Variants in LIX1 observed in about 807,000 individuals in gnomAD.
The protein encoded by LIX1 is limb and CNS expressed 1.
Under a neutral mutation model 33.4 loss-of-function variants are expected in LIX1, and 24 were observed. The observed-to-expected ratio is 0.72, with a 90% CI of 0.52 to 1.01. The LOEUF is 1.01. Among genes scored for constraint, LIX1 ranks in the 50% least tolerant of loss-of-function variants. The probability of loss-of-function intolerance (pLI) is 0.00; values close to 1 mark genes in which losing one functional copy is unlikely to be tolerated. For missense variants in LIX1, 311 were observed against 339.2 expected, an observed-to-expected ratio of 0.92 and a Z score of 0.65; for synonymous variants, 124 against 124.0, an observed-to-expected ratio of 1.00 and a Z score of 0.00.
chr5:97,098,255 C>A (rs533307323), intron 4 of LIX1, among the ~76,000 whole-genome samples: 1 of 152,358 alleles, frequency 6.6e-6, no homozygotes, highest in African/African-American at 2.4e-5. Flanking sequence ...CATTCAAACT[C>A]ACCCATGGTT....
intron 4 of LIX1, among the ~76,000 whole-genome samples, chr5:97,099,349 C>A (rs1746558736): frequency 6.6e-6 from 1 of 152,194 alleles, no homozygotes; most frequent in Admixed American, 6.5e-5. Context: ...TCCTACCATA[C>A]TAACAAACCA....
intron 1 of LIX1, among the ~76,000 whole-genome samples, 189 bp from the exon 2 acceptor site, chr5:97,124,818 A>G (rs375318195): frequency 3.3e-5 from 5 of 152,332 alleles, no homozygotes; most frequent in East Asian, 3.9e-4. Context: ...TATTTAAAGT[A>G]TGTTAAAATA....
intron 1 of LIX1, among the ~76,000 whole-genome samples, chr5:97,136,104 G>A (rs1015578577): frequency 3.3e-5 from 5 of 152,214 alleles, no homozygotes; most frequent in Non-Finnish European, 2.9e-5. Context: ...TGACTTTGGT[G>A]ACTCACAGTC....
chr5:97,119,421 C>T (rs1747724527), intron 2 of LIX1, among the ~76,000 whole-genome samples: 1 of 152,180 alleles, frequency 6.6e-6, no homozygotes, highest in Non-Finnish European at 1.5e-5. Context: ...TCTGAACTGA[C>T]AAAGAAAAGT....
At position 97,093,228 on chromosome 5, in the gene LIX1, T is replaced by G. The variant is rs928948991; in HGVS notation, c.*1520A>C. The G allele has an allele frequency of 2.3e-4, 35 of 152,450 alleles. No homozygotes were observed. Among genetic ancestry groups the G allele is most frequent in the African/African-American group, 8.2e-4 (34 of 41,580 alleles). 9.4% of individuals were successfully genotyped at this position (152,450 alleles called of 1,614,324 possible). A position where few individuals can be genotyped will look rare whatever the true frequency, so the allele number is the denominator to read the frequency against. ...AGTGATGGTTACCTTTGTACATACTTATTAGATATGAGGTTAAAATATCAT... is the reference window on the plus strand; with the variant it reads ...AGTGATGGTTACCTTTGTACATACTGATTAGATATGAGGTTAAAATATCAT... On this transcript the variant is annotated 3_prime_UTR_variant, in exon 6 of 6. Transcript: ENST00000274382.
At chr5:97,101,393 G>A (rs1746690170) in intron 4 of LIX1, among the ~76,000 whole-genome samples, 1 of 152,222 alleles carries the variant, frequency 6.6e-6, no homozygotes, top group Non-Finnish European at 1.5e-5. Flanking sequence ...GCTGTACAGG[G>A]CCCCTGCTTT....
chr5:97,116,311 G>C (rs935060023), intron 2 of LIX1, among the ~76,000 whole-genome samples: 2 of 152,122 alleles, frequency 1.3e-5, no homozygotes, highest in Admixed American at 6.6e-5. Context: ...ATGTGAAAAA[G>C]GGCAACCGTT....
At chr5:97,098,779 G>T (rs1007067458) in intron 4 of LIX1, among the ~76,000 whole-genome samples, 1 of 152,078 alleles carries the variant, frequency 6.6e-6, no homozygotes. Flanking sequence ...TTGGGAAGAG[G>T]TTCTCTTATG....
At chr5:97,130,875 G>A (rs888652309) in intron 1 of LIX1, among the ~76,000 whole-genome samples, 1 of 152,148 alleles carries the variant, frequency 6.6e-6, no homozygotes, top group African/African-American at 2.4e-5. Context: ...TCTCTAACAC[G>A]GTGATAGGCC....
chr5:97,116,991 TC>T (rs899940084), intron 2 of LIX1, among the ~76,000 whole-genome samples: 2 of 152,198 alleles, frequency 1.3e-5, no homozygotes, highest in Non-Finnish European at 2.9e-5. Flanking sequence ...GTCAAGAATT[TC>T]TATTCACTTT....
At chr5:97,121,745 A>G (rs2112785638) in intron 2 of LIX1, among the ~76,000 whole-genome samples, 1 of 152,128 alleles carries the variant, frequency 6.6e-6, no homozygotes, top group East Asian at 1.9e-4. Context: ...TTGGTCTTTT[A>G]TGCATTTGGT....
chr5:97,111,234 A>G (rs1165370390), intron 2 of LIX1, among the ~76,000 whole-genome samples: 1 of 152,220 alleles, frequency 6.6e-6, no homozygotes, highest in Non-Finnish European at 1.5e-5. Flanking sequence ...ATAAGCAACA[A>G]TACAGCCTAG....
At chr5:97,118,423 C>A (rs911090844) in intron 2 of LIX1, among the ~76,000 whole-genome samples, 4 of 152,164 alleles carry the variant, frequency 2.6e-5, no homozygotes, top group African/African-American at 9.7e-5. Flanking sequence ...GCTGCTGCAA[C>A]AATGAGTGGC....
At chr5:97,100,665 T>G (rs1281157890) in intron 4 of LIX1, among the ~76,000 whole-genome samples, 2 of 152,194 alleles carry the variant, frequency 1.3e-5, no homozygotes, top group African/African-American at 4.8e-5. Context: ...CTTGCATGAT[T>G]GCAGAGTGGG....
In LIX1 at chr5:97,117,352, A is replaced by G. The variant is rs1747660469; in HGVS notation, c.246+7114T>C. Among the ~76,000 whole-genome samples, 4 of 152,304 alleles carry G rather than the reference A, an allele frequency of 2.6e-5. No homozygotes were observed. The South Asian group carries it at 8.3e-4, about 32-fold the overall frequency. ...AAATACTAGGCATTAAAACAGCATT[A>G]GTGCTGGGCAATAGTCTCAAGTTTA... On this transcript the variant is annotated intron_variant, in intron 2 of 5. Transcript: ENST00000274382.
In LIX1 at chr5:97,104,824, T is replaced by C. The variant is rs145023259; in HGVS notation, c.483+366A>G. On this transcript the variant is annotated intron_variant, in intron 4 of 5. Coordinates refer to ENST00000274382, the MANE Select transcript of LIX1 (RefSeq NM_153234.5). ...GCACTGCAGGAACTTTCAGAAGTCA[T>C]AGGACTTCTGAAAATTAAGAAGCAA... Among the ~76,000 whole-genome samples the C allele has an allele frequency of 1.7e-3, 261 of 152,282 alleles. 1 individual carries two copies. The highest frequency in any genetic ancestry group is 5.2e-3 in the African/African-American group (217 of 41,546).
chr5:97,121,782 G>A (rs1027778522), intron 2 of LIX1, among the ~76,000 whole-genome samples: 21 of 152,142 alleles, frequency 1.4e-4, no homozygotes, highest in African/African-American at 5.1e-4. Flanking sequence ...GTGATCTTAA[G>A]TTCATTGACA....
At chr5:97,107,628 A>G (rs1747128960) in intron 2 of LIX1, 128 bp from the exon 3 acceptor site, 1 of 988,224 alleles carries the variant, frequency 1.0e-6, no homozygotes, top group Non-Finnish European at 1.5e-6. Context: ...GTTCATATAC[A>G]TTGCTAATTT....
chr5:97,103,466 T>C lies in LIX1; in HGVS notation c.483+1724A>G, dbSNP rs79510497. 2.6e-3 allele frequency among the ~76,000 whole-genome samples: 400 copies of C among 152,304 alleles called. 7 individuals carry two copies. The highest frequency in any genetic ancestry group is 8.6e-3 in the African/African-American group (356 of 41,566). ...CACTGTGAGGAAGGTACTGTTATTC[T>C]CTCTGATTTACATACAAACGAGGAA... On this transcript the variant is annotated intron_variant, in intron 4 of 5. Coordinates refer to ENST00000274382, the MANE Select transcript of LIX1 (RefSeq NM_153234.5).
Sources: allele counts gnomAD v4.1 joint callset (sites outside exome capture counted in the v4.1 genomes callset), GRCh38; gene constraint gnomAD v4.1.1; transcripts MANE v1.5; gene names NCBI Gene and HGNC (gene_info 2026-07-23, HGNC 2026-07-21).